Variants in ACSL5 observed in about 807,000 individuals in gnomAD.
ACSL5 encodes the protein long-chain-fatty-acid--CoA ligase 5.
In ACSL5, 50 loss-of-function variants were observed where a neutral mutation model predicts 84.9. That is an observed-to-expected ratio of 0.59 (90% confidence interval 0.47 to 0.75). ACSL5 has a LOEUF of 0.75. Among genes scored for constraint, ACSL5 ranks in the 30% least tolerant of loss-of-function variants. The pLI is 0.00. For synonymous variants in ACSL5, 280 were observed against 300.7 expected (o/e 0.93, Z 0.71); for missense variants, 775 against 830.4 (o/e 0.93, Z 0.82).
Position 112,422,419 on chromosome 10 carries a change from G to A in ACSL5, c.1571G>A (p.Gly524Glu), listed in dbSNP as rs766550608. The change falls in exon 17 of 21, where the codon GGA becomes GAA. Residue 524 changes from glycine to glutamate, a missense_variant. Coordinates refer to ENST00000354655, the MANE Select transcript of ACSL5 (RefSeq NM_203379.2). Reference protein sequence around the residue: ...ALDSDGWLHTGDIGRWLPNGT... With the variant: ...ALDSDGWLHTEDIGRWLPNGT... Reference sequence around the variant, plus strand: ...GACAGTGATGGCTGGCTTCACACAGGAGACATTGGTCGCTGGCTCCCGGTA... The same window carrying A: ...GACAGTGATGGCTGGCTTCACACAGAAGACATTGGTCGCTGGCTCCCGGTA... The A allele has an allele frequency of 6.2e-7, 1 of 1,614,018 alleles. No individual in the cohort carries two copies. The highest frequency in any genetic ancestry group is 1.3e-5 in the African/African-American group (1 of 74,928).
chr10:112,391,824 A>T (rs1472136762), intron 1 of ACSL5, among the ~76,000 whole-genome samples: 1 of 152,200 alleles, frequency 6.6e-6, no homozygotes, highest in Non-Finnish European at 1.5e-5. Context: ...TCTGTGACCC[A>T]TAGTATTGTT....
intron 14 of ACSL5, 88 bp downstream of exon 14, chr10:112,418,029 G>A: frequency 9.2e-7 from 1 of 1,091,480 alleles, no homozygotes; most frequent in Non-Finnish European, 1.3e-6. Context: ...ACAACTAAAA[G>A]GTACCAAAAT....
Position 112,403,794 on chromosome 10 carries a change from A to T in ACSL5, c.266-717A>T, listed in dbSNP as rs531289888. ...GAAATGGTCTAAATTTAAAAGGATCAATTTGAAAATATTTAGCGTAATTTA... is the reference window on the plus strand; with the variant it reads ...GAAATGGTCTAAATTTAAAAGGATCTATTTGAAAATATTTAGCGTAATTTA... On this transcript the variant is annotated intron_variant, in intron 3 of 20. Coordinates refer to ENST00000354655, the MANE Select transcript of ACSL5 (RefSeq NM_203379.2). Among the ~76,000 whole-genome samples the T allele has an allele frequency of 7.5e-4, 114 of 152,332 alleles. 2 individuals are homozygous for T. The highest frequency in any genetic ancestry group is 3.4e-3 in the Middle Eastern group (1 of 294).
chr10:112,418,212 T>A (rs887814335), intron 14 of ACSL5, among the ~76,000 whole-genome samples: 10 of 152,214 alleles, frequency 6.6e-5, no homozygotes, highest in African/African-American at 2.2e-4. Context: ...AGTAGTTTAC[T>A]GAATGTAGTT....
intron 12 of ACSL5, among the ~76,000 whole-genome samples, chr10:112,415,744 A>G (rs1271842121): frequency 2.0e-5 from 3 of 152,260 alleles, no homozygotes; most frequent in African/African-American, 7.2e-5. Context: ...GGTTATAAAC[A>G]TGGAAGATGG....
chr10:112,379,320 G>T (rs918292986), intron 1 of ACSL5, among the ~76,000 whole-genome samples: 1 of 151,504 alleles, frequency 6.6e-6, no homozygotes, highest in African/African-American at 2.4e-5. Flanking sequence ...CAGGAGAATC[G>T]CTTGAACCCA....
At chr10:112,392,566 C>T (rs1209576808) in intron 1 of ACSL5, among the ~76,000 whole-genome samples, 1 of 152,022 alleles carries the variant, frequency 6.6e-6, no homozygotes, top group South Asian at 2.1e-4. Context: ...ATAGTGAAAC[C>T]CCGTCTCTAC....
intron 19 of ACSL5, 116 bp downstream of exon 19, chr10:112,426,475 T>A: frequency 1.2e-6 from 1 of 814,024 alleles, no homozygotes; most frequent in Non-Finnish European, 2.0e-6. Flanking sequence ...GACTGAATAG[T>A]TTTATGGGAC....
intron 1 of ACSL5, among the ~76,000 whole-genome samples, chr10:112,387,469 A>G (rs1482669468): frequency 6.6e-6 from 1 of 152,214 alleles, no homozygotes. Context: ...TTGTCTAGAA[A>G]TACTGACTCT....
intron 14 of ACSL5, among the ~76,000 whole-genome samples, chr10:112,421,273 C>T (rs1844457509): frequency 6.6e-6 from 1 of 152,186 alleles, no homozygotes; most frequent in Non-Finnish European, 1.5e-5. Flanking sequence ...ATTCTCCCAC[C>T]TCAGCCTCTC....
At chr10:112,422,873 T>C (rs946582358) in intron 17 of ACSL5, among the ~76,000 whole-genome samples, 3 of 123,188 alleles carry the variant, frequency 2.4e-5, no homozygotes, top group Admixed American at 8.3e-5. Context: ...AAAAAGAACA[T>C]ACAATTGAAA....
At chr10:112,401,206 A>G (rs918515128) in intron 3 of ACSL5, among the ~76,000 whole-genome samples, 1 of 151,898 alleles carries the variant, frequency 6.6e-6, no homozygotes, top group African/African-American at 2.4e-5. Flanking sequence ...ACAGAGGGAC[A>G]CTCCATCTCA....
chr10:112,387,155 A>G (rs1049787198), intron 1 of ACSL5, among the ~76,000 whole-genome samples: 1 of 152,226 alleles, frequency 6.6e-6, no homozygotes, highest in African/African-American at 2.4e-5. Context: ...CTTTTTCCAT[A>G]TGATGCTTTT....
intron 2 of ACSL5, 124 bp downstream of exon 2, chr10:112,395,226 C>A: frequency 2.1e-6 from 2 of 932,792 alleles, no homozygotes; most frequent in South Asian, 1.8e-5. Flanking sequence ...TTCATGTTAC[C>A]AATCAACAGG....
chr10:112,413,499 G>A (rs1172413112), intron 12 of ACSL5, among the ~76,000 whole-genome samples, 192 bp downstream of exon 12: 1 of 152,224 alleles, frequency 6.6e-6, no homozygotes, highest in Non-Finnish European at 1.5e-5. Flanking sequence ...GCCAAGGCAG[G>A]CAGATTGCCT....
At chr10:112,378,941 T>C (rs1217549663) in intron 1 of ACSL5, among the ~76,000 whole-genome samples, 1 of 152,210 alleles carries the variant, frequency 6.6e-6, no homozygotes, top group African/African-American at 2.4e-5. Flanking sequence ...GGCCACACTA[T>C]TAGCCTTCTT....
intron 1 of ACSL5, among the ~76,000 whole-genome samples, chr10:112,392,086 C>A (rs925144295): frequency 2.0e-5 from 3 of 152,204 alleles, no homozygotes; most frequent in Non-Finnish European, 4.4e-5. Context: ...TTAGTGCAAC[C>A]ATTTTTTTCC....
At chr10:112,396,128 C>T (rs1843742166) in intron 2 of ACSL5, 1 of 152,234 alleles carries the variant, frequency 6.6e-6, no homozygotes, top group South Asian at 2.1e-4. Context: ...CTTCTAAATT[C>T]AGTGACTTCT....
chr10:112,411,984 G>A lies in ACSL5; in HGVS notation c.948+5G>A. The A allele has an allele frequency of 1.9e-6, 3 of 1,608,256 alleles. No homozygotes were observed. Among genetic ancestry groups the A allele is most frequent in the Non-Finnish European group, 2.6e-6 (3 of 1,174,620 alleles). ...ATGTTTGAGAGGATTGTACAGGTGA[G>A]TGTTCTGTGTTCCTAGCAGTATGTG... On this transcript the variant is annotated splice_donor_5th_base_variant and intron_variant, in intron 11 of 20. Coordinates refer to ENST00000354655, the MANE Select transcript of ACSL5 (RefSeq NM_203379.2).
Sources: gnomAD v4.1 joint callset for allele counts (sites outside exome capture counted in the v4.1 genomes callset) on GRCh38, gnomAD v4.1.1 for gene constraint, MANE v1.5 for transcripts, NCBI Gene and HGNC (gene_info 2026-07-23, HGNC 2026-07-21) for gene names.